VPS13D: variants seen among roughly 807,000 people sequenced by gnomAD.
VPS13D encodes intermembrane lipid transfer protein VPS13D.
A neutral mutation model predicts 461.9 loss-of-function variants in VPS13D; 187 were observed. The ratio of observed to expected loss-of-function variants is 0.40; its 90% CI spans 0.36 to 0.46. The LOEUF is 0.46. VPS13D is among the 20% of genes least tolerant of loss of function. VPS13D has a pLI of 0.60. For missense variants in VPS13D, 4,711 were observed against 5,364.9 expected (o/e 0.88, Z 3.81); for synonymous variants, 1,951 against 1,986.3 (o/e 0.98, Z 0.47).
intron 63 of VPS13D, among the ~76,000 whole-genome samples, 198 bp from the exon 64 acceptor site, chr1:12,414,889 A>G (rs1644774605): frequency 2.0e-5 from 3 of 152,212 alleles, no homozygotes; most frequent in Admixed American, 2.0e-4. Flanking sequence ...CTTGGGTGAT[A>G]TATGTCTGTC....
Position 12,385,324 on chromosome 1 carries a change from A to T in VPS13D, c.11435A>T (p.Glu3812Val). The T allele has an allele frequency of 6.2e-7, 1 of 1,614,074 alleles. No homozygotes were observed. The highest frequency in any genetic ancestry group is 8.5e-7 in the Non-Finnish European group (1 of 1,179,940). ...SYEVDELPVT[E>V]QELQKLKNPD... Reference sequence around the variant, plus strand: ...GAAGTGGATGAACTTCCTGTCACCGAACAAGAGCTGCAGAAATTAAAGAAT... The same window carrying T: ...GAAGTGGATGAACTTCCTGTCACCGTACAAGAGCTGCAGAAATTAAAGAAT... The change falls in exon 59 of 70, where the codon GAA becomes GTA. Residue 3812 changes from glutamate (E) to valine (V), a missense_variant. Around this residue, in one of 3 missense-constraint regions of VPS13D, gnomAD observed 4,411 missense variants for 4,937.8 expected, o/e 0.89. Transcript: ENST00000620676.
Position 12,401,619 on chromosome 1 carries a change from C to T in VPS13D, c.11796C>T (p.Ile3932=), listed in dbSNP as rs144680112. The change falls in exon 62 of 70, where the codon ATC becomes ATT. Residue 3932 remains isoleucine (I), a synonymous_variant. Transcript: ENST00000620676. ...TTCTTTATCTCTAGCATCTGATGATCACAGCTCAGAGATTCACAGTGCAAA... is the reference window on the plus strand; with the variant it reads ...TTCTTTATCTCTAGCATCTGATGATTACAGCTCAGAGATTCACAGTGCAAA... ...ALTNIYKHLM[I]TAQRFTVQIE... 6.2e-7 allele frequency: 1 copy of T among 1,611,448 alleles called. No individual in the cohort carries two copies. Among genetic ancestry groups the T allele is most frequent in the African/African-American group, 1.3e-5 (1 of 75,006 alleles).
intron 5 of VPS13D, among the ~76,000 whole-genome samples, chr1:12,246,877 A>G (rs773981733): frequency 2.0e-5 from 3 of 152,204 alleles, no homozygotes; most frequent in Non-Finnish European, 4.4e-5. Context: ...TTATTCATTC[A>G]TGAGTTGCTG....
intron 67 of VPS13D, among the ~76,000 whole-genome samples, chr1:12,481,468 T>A (rs551096503): frequency 2.2e-4 from 34 of 152,190 alleles, no homozygotes; most frequent in Non-Finnish European, 4.7e-4. Context: ...GTCCAGGAGT[T>A]CAAATGGATT....
intron 63 of VPS13D, among the ~76,000 whole-genome samples, chr1:12,412,210 C>T (rs1392373121): frequency 1.3e-5 from 2 of 152,206 alleles, no homozygotes; most frequent in African/African-American, 4.8e-5. Flanking sequence ...TTGGAAGATT[C>T]GGTAAAGTTG....
In VPS13D at chr1:12,507,231, C is replaced by G. The variant is rs547215328; in HGVS notation, c.13035+138C>G. Reference sequence around the variant, plus strand: ...TTCCCAGGAGTGCTGCCTCTCAGTCCTGAACATGGGAGGGGCCCAGGGTAT... The same window carrying G: ...TTCCCAGGAGTGCTGCCTCTCAGTCGTGAACATGGGAGGGGCCCAGGGTAT... On this transcript the variant is annotated intron_variant, in intron 69 of 69. Coordinates refer to ENST00000620676, the MANE Select transcript of VPS13D (RefSeq NM_015378.4). The surrounding 1 kb of genome is among the most constrained non-coding windows in gnomAD (Gnocchi z 5.3). 68 of 1,481,116 alleles carry G rather than the reference C, an allele frequency of 4.6e-5. No individual in the cohort carries two copies. In the Admixed American group the frequency reaches 5.2e-4, roughly 11 times the overall value. The allele number at this position is 1,481,116 out of a possible 1,614,324, so 91.7% of individuals were successfully genotyped here.
chr1:12,271,023 AG>A lies in VPS13D; in HGVS notation c.2003del (p.Arg668LysfsTer13). ...TGGTTATCAGTCTGAACTTGAGCTG[AG>A]AGTGGCTGAAGCTGCCCGAAGACAA... is the stretch of plus-strand genomic sequence containing the variant. ...GFGYQSELEL[R>X]VAEAARRQYN... On this transcript the variant is annotated frameshift_variant, in exon 17 of 70. Transcript: ENST00000620676. LOFTEE classifies it high-confidence loss of function. 6.2e-7 allele frequency: 1 copy of A among 1,613,918 alleles called. No homozygotes were observed. The highest frequency in any genetic ancestry group is 8.5e-7 in the Non-Finnish European group (1 of 1,179,874).
Position 12,279,773 on chromosome 1 carries a change from A to C in VPS13D, c.4602+123A>C. ...ATTTTCAAAGATATATCACCCATGC[A>C]TAATACCATTGTTGAAACCTTGTTC... On this transcript the variant is annotated intron_variant, in intron 20 of 69. Transcript: ENST00000620676. The surrounding 1 kb of genome is among the most constrained non-coding windows in gnomAD (Gnocchi z 4.3). 1 of 871,342 alleles carries C rather than the reference A, an allele frequency of 1.1e-6. No homozygotes were observed. 54.0% of individuals were successfully genotyped at this position (871,342 alleles called of 1,614,324 possible). A position where few individuals can be genotyped will look rare whatever the true frequency, so the allele number is the denominator to read the frequency against.
intron 5 of VPS13D, among the ~76,000 whole-genome samples, chr1:12,247,813 C>T (rs1200270548): frequency 6.6e-6 from 1 of 151,520 alleles, no homozygotes; most frequent in Non-Finnish European, 1.5e-5. Flanking sequence ...AAGCGATTCT[C>T]CTGGCTCAGC....
chr1:12,453,235 T>A (rs1344561491), intron 65 of VPS13D, among the ~76,000 whole-genome samples: 1 of 152,036 alleles, frequency 6.6e-6, no homozygotes. Flanking sequence ...GGGAGTGATA[T>A]TGGGTATTCT....
intron 65 of VPS13D, among the ~76,000 whole-genome samples, chr1:12,428,227 C>G (rs1314577866): frequency 6.6e-6 from 1 of 152,154 alleles, no homozygotes; most frequent in Non-Finnish European, 1.5e-5. Flanking sequence ...GCATGTCCTG[C>G]CTGACTTGGA....
intron 10 of VPS13D, among the ~76,000 whole-genome samples, chr1:12,260,052 G>A (rs905442147): frequency 1.7e-5 from 2 of 119,446 alleles, no homozygotes; most frequent in African/African-American, 3.0e-5. Flanking sequence ...TTGAGATGGA[G>A]TCTTGCTCTG....
In VPS13D at chr1:12,369,470, C is replaced by A. The variant is rs1419419572; in HGVS notation, c.10576C>A (p.Pro3526Thr). ...GTCCTCTCTGCCATCACTCTAGGTC[C>A]CGGTTGTCTTTACTCAGCATGGCGT... ...PFRIDNFSKV[P>T]VVFTQHGVAE... Residue 3526 changes from proline to threonine, a missense_variant, in exon 54 of 70, where the codon CCG (proline) becomes ACG (threonine). Physicochemically the swap from Pro to Thr is conservative, Grantham distance 38. Transcript: ENST00000620676. 2 of 1,614,070 alleles carry A rather than the reference C, an allele frequency of 1.2e-6. No homozygotes were observed. The highest frequency in any genetic ancestry group is 3.3e-5 in the Admixed American group (2 of 60,006).
At chr1:12,233,976 A>G (rs1640067830) in intron 1 of VPS13D, among the ~76,000 whole-genome samples, 1 of 152,152 alleles carries the variant, frequency 6.6e-6, no homozygotes, top group South Asian at 2.1e-4. Flanking sequence ...TGAACCCGGG[A>G]GGCAGAGATT....
In VPS13D at chr1:12,495,769, AC is replaced by A. The variant is rs1645948722; in HGVS notation, c.12663-1730del. Among the ~76,000 whole-genome samples, 1 of 152,212 alleles carries A rather than the reference AC, an allele frequency of 6.6e-6. No homozygotes were observed. The highest frequency in any genetic ancestry group is 2.4e-5 in the African/African-American group (1 of 41,458). On this transcript the variant is annotated intron_variant, in intron 67 of 69. Coordinates refer to ENST00000620676, the MANE Select transcript of VPS13D (RefSeq NM_015378.4). This position sits in a 1 kb window ranked among gnomAD's most constrained non-coding sequence, Gnocchi z 4.0. ...CTTTGGGCTTCTACCATGTAGCCTGACAGAGAGGTCAGCAGGACTGCCCTGG... is the reference window on the plus strand; with the variant it reads ...CTTTGGGCTTCTACCATGTAGCCTGAAGAGAGGTCAGCAGGACTGCCCTGG...
At chr1:12,310,674 A>G (rs891144918) in intron 27 of VPS13D, among the ~76,000 whole-genome samples, 11 of 152,164 alleles carry the variant, frequency 7.2e-5, no homozygotes, top group African/African-American at 2.4e-4. Flanking sequence ...CCCAAGTGTA[A>G]TATTTAAGCT....
chr1:12,427,509 T>C (rs903420647), intron 65 of VPS13D, among the ~76,000 whole-genome samples: 8 of 152,030 alleles, frequency 5.3e-5, no homozygotes, highest in Non-Finnish European at 1.0e-4. Flanking sequence ...TAGTTGTGTC[T>C]GTACTGAACA....
Position 12,512,028 on chromosome 1 carries a change from T to C in VPS13D, c.*3004T>C, listed in dbSNP as rs1570313271. 1 of 152,366 alleles carries C rather than the reference T, an allele frequency of 6.6e-6. No individual in the cohort carries two copies. Among genetic ancestry groups the C allele is most frequent in the African/African-American group, 2.4e-5 (1 of 41,578 alleles). 9.4% of individuals were successfully genotyped at this position (152,366 alleles called of 1,614,324 possible). ...TCATTTTTCTTCCTGTGGAATAAAA[T>C]GCCTTGTGGACTTCCCAAACTTGTT... is the stretch of plus-strand genomic sequence containing the variant. On this transcript the variant is annotated 3_prime_UTR_variant, in exon 70 of 70. Transcript: ENST00000620676.
At position 12,311,797 on chromosome 1, in the gene VPS13D, C is replaced by T. The variant is rs922013549; in HGVS notation, c.6823-16C>T. 4.4e-6 allele frequency: 7 copies of T among 1,607,820 alleles called. No homozygotes were observed. In the African/African-American group the frequency reaches 9.4e-5, roughly 22 times the overall value. ...GCATCATCAGCTGTGGATTGACGAG[C>T]ATTTTCCTTTTGTAGACTGTCCTGA... On this transcript the variant is annotated splice_polypyrimidine_tract_variant and intron_variant, in intron 28 of 69. Coordinates refer to ENST00000620676, the MANE Select transcript of VPS13D (RefSeq NM_015378.4).
Sources: gnomAD v4.1 joint callset for allele counts (sites outside exome capture counted in the v4.1 genomes callset) on GRCh38, gnomAD v4.1.1 for gene constraint, gnomAD v4.1.1 regional missense constraint, Gnocchi (gnomAD v3.1) non-coding constraint, MANE v1.5 for transcripts, NCBI Gene and HGNC (gene_info 2026-07-23, HGNC 2026-07-21) for gene names.